The following METTL21A variants were observed in gnomAD, a reference collection of about 807,000 sequenced individuals.
The protein encoded by METTL21A is protein N-lysine methyltransferase METTL21A.
In METTL21A, 22 loss-of-function variants were observed where a neutral mutation model predicts 20.9. That is an observed-to-expected ratio of 1.05 (90% CI 0.75 to 1.50). METTL21A has a LOEUF of 1.50. Among genes scored for constraint, METTL21A ranks in the 40% most tolerant of loss-of-function variants. The pLI is 0.00. For missense variants in METTL21A, 271 were observed against 266.8 expected (o/e 1.02, Z -0.11); for synonymous variants, 93 against 102.0 (o/e 0.91, Z 0.53).
chr2:207,613,011 C>A, exon 4 of METTL21A: 1 of 1,517,550 alleles, frequency 6.6e-7, no homozygotes, highest in Non-Finnish European at 8.8e-7. Context: ...TTAAGTGACA[C>A]ACTCAATGAC....
chr2:207,596,495 G>A (rs1306395431), intron 3 of METTL21A, among the ~76,000 whole-genome samples: 1 of 152,174 alleles, frequency 6.6e-6, no homozygotes, highest in African/African-American at 2.4e-5. Context: ...GTGCAGTGGC[G>A]CAATCTCAGC....
chr2:207,594,360 C>T (rs771215500), intron 3 of METTL21A, among the ~76,000 whole-genome samples: 10 of 152,086 alleles, frequency 6.6e-5, no homozygotes, highest in Non-Finnish European at 1.2e-4. Context: ...ACTCTGTACC[C>T]GGTAAACAAC....
chr2:207,618,059 A>T (rs1034970425), intron 3 of METTL21A, among the ~76,000 whole-genome samples: 1 of 152,254 alleles, frequency 6.6e-6, no homozygotes, highest in Non-Finnish European at 1.5e-5. Context: ...CACACAAGCC[A>T]TAAGTTCAGC....
intron 3 of METTL21A, among the ~76,000 whole-genome samples, chr2:207,618,597 A>G (rs994044974): frequency 6.6e-6 from 1 of 152,026 alleles, no homozygotes; most frequent in Non-Finnish European, 1.5e-5. Context: ...CAGCTACTCA[A>G]TGGGCTGAGG....
chr2:207,621,596 A>T (rs574885144), intron 3 of METTL21A, among the ~76,000 whole-genome samples: 24 of 151,970 alleles, frequency 1.6e-4, no homozygotes, highest in Non-Finnish European at 2.9e-4. Context: ...TGTGTGTGTG[A>T]GAGAGAGAGA....
chr2:207,620,512 G>A, intron 3 of METTL21A: 4 of 436,542 alleles, frequency 9.2e-6, no homozygotes, highest in Non-Finnish European at 1.5e-5. Flanking sequence ...AACAAGCCTG[G>A]TTTTGAGTCC....
intron 3 of METTL21A, chr2:207,598,287 AT>A (rs559214205): frequency 5.5e-6 from 1 of 183,340 alleles, no homozygotes; most frequent in Non-Finnish European, 1.2e-5. Flanking sequence ...CTTACAAAAC[AT>A]TTTTTTGTTC....
chr2:207,613,407 A>G, exon 4 of METTL21A: 4 of 1,606,224 alleles, frequency 2.5e-6, no homozygotes, highest in East Asian at 2.2e-5. Context: ...AAGAAATTCT[A>G]ATGCTACTTT....
At chr2:207,582,918 AAT>A (rs1553505581) in intron 3 of METTL21A, 8 of 258,198 alleles carry the variant, frequency 3.1e-5, no homozygotes, top group Middle Eastern at 6.2e-4. Context: ...AACAAAAAAA[AAT>A]ATATATATAT....
At chr2:207,583,961 A>C (rs2083376839) in intron 3 of METTL21A, among the ~76,000 whole-genome samples, 1 of 152,212 alleles carries the variant, frequency 6.6e-6, no homozygotes, top group Non-Finnish European at 1.5e-5. Context: ...TGGTTCCTTC[A>C]TCTAGCAAAA....
chr2:207,613,279 C>T (rs779508677), exon 4 of METTL21A: 2 of 1,614,032 alleles, frequency 1.2e-6, no homozygotes, highest in South Asian at 2.2e-5. Context: ...ATATCAGCAC[C>T]AAGTATCAGG....
At chr2:207,588,706 C>G (rs1485289004) in intron 3 of METTL21A, among the ~76,000 whole-genome samples, 4 of 138,040 alleles carry the variant, frequency 2.9e-5, no homozygotes, top group Non-Finnish European at 6.1e-5. Flanking sequence ...TGGATTTATA[C>G]CCAAGTATGA....
At chr2:207,603,063 C>T (rs1435936110) in intron 3 of METTL21A, 2 of 211,942 alleles carry the variant, frequency 9.4e-6, no homozygotes, top group African/African-American at 2.3e-5. Flanking sequence ...TGATTTTTAA[C>T]TCTGATGTTT....
chr2:207,593,557 C>CT (rs2085493942), intron 3 of METTL21A, among the ~76,000 whole-genome samples: 1 of 151,928 alleles, frequency 6.6e-6, no homozygotes, highest in South Asian at 2.1e-4. Context: ...GCAAATGCTA[C>CT]TTTTTTCTGA....
At chr2:207,602,758 A>G (rs1300858211) in intron 3 of METTL21A, 1 of 213,386 alleles carries the variant, frequency 4.7e-6, no homozygotes, top group Non-Finnish European at 9.5e-6. Flanking sequence ...ATTTATATTA[A>G]AAGTGGGAAA....
chr2:207,620,139 G>T (rs1167817063), intron 3 of METTL21A, among the ~76,000 whole-genome samples: 1 of 152,064 alleles, frequency 6.6e-6, no homozygotes, highest in Admixed American at 6.6e-5. Context: ...AGAGAAGTTG[G>T]TGTTACAGAA....
At chr2:207,599,891 C>G (rs2086747735) in intron 3 of METTL21A, 1 of 195,302 alleles carries the variant, frequency 5.1e-6, no homozygotes, top group African/African-American at 2.3e-5. Flanking sequence ...TGTACATATG[C>G]TACTGATTTG....
intron 3 of METTL21A, among the ~76,000 whole-genome samples, chr2:207,620,330 C>T (rs1306347040): frequency 6.6e-6 from 1 of 152,084 alleles, no homozygotes; most frequent in African/African-American, 2.4e-5. Flanking sequence ...GTAGTCCCAG[C>T]TACTAGGGAA....
chr2:207,602,099 T>TTG (rs1250863620), intron 3 of METTL21A: 1 of 205,204 alleles, frequency 4.9e-6, no homozygotes, highest in East Asian at 7.4e-5. Context: ...TAAGTTCTTA[T>TTG]TGATTAGTGA....
Sources: gnomAD v4.1 joint callset for allele counts (sites outside exome capture counted in the v4.1 genomes callset) on GRCh38, gnomAD v4.1.1 for gene constraint, MANE v1.5 for transcripts, NCBI Gene and HGNC (gene_info 2026-07-23, HGNC 2026-07-21) for gene names.